EYS: variants seen among roughly 807,000 people sequenced by gnomAD.
The protein encoded by EYS is protein eyes shut homolog.
EYS carries 250 observed loss-of-function variants against 282.1 expected under a neutral mutation model. The ratio of observed to expected loss-of-function variants is 0.89; its 90% CI spans 0.80 to 0.98. EYS has a LOEUF of 0.98. Among genes scored for constraint, EYS ranks in the 50% least tolerant of loss-of-function variants. The pLI, the probability that EYS is intolerant of heterozygous loss-of-function variation, is 0.00. For synonymous variants in EYS, 1,355 were observed against 1,282.9 expected (o/e 1.06, Z -1.20); for missense variants, 4,016 against 3,709.0 (o/e 1.08, Z -2.15).
At chr6:64,211,011 A>G (rs1237432704) in intron 31 of EYS, among the ~76,000 whole-genome samples, 11 of 152,120 alleles carry the variant, frequency 7.2e-5, no homozygotes, top group Non-Finnish European at 5.9e-5. Context: ...CAGGCCTTCA[A>G]CCAATGACTG....
intron 24 of EYS, among the ~76,000 whole-genome samples, chr6:64,601,827 C>G (rs1048611779): frequency 6.6e-6 from 1 of 152,050 alleles, no homozygotes; most frequent in African/African-American, 2.4e-5. Flanking sequence ...TCTACAGGCA[C>G]TTCTGTACTT....
At chr6:64,686,651 G>C (rs1045908057) in intron 22 of EYS, among the ~76,000 whole-genome samples, 3 of 148,558 alleles carry the variant, frequency 2.0e-5, no homozygotes, top group African/African-American at 7.4e-5. Context: ...TGAGGCAGGA[G>C]AATGACATGA....
chr6:65,103,051 T>C (rs1774937756), intron 12 of EYS, among the ~76,000 whole-genome samples: 1 of 151,480 alleles, frequency 6.6e-6, no homozygotes, highest in Middle Eastern at 3.4e-3. Flanking sequence ...TCTTTGAGGT[T>C]GGCAGTATCA....
chr6:64,579,933 T>C (rs1766006157), intron 26 of EYS, among the ~76,000 whole-genome samples: 1 of 152,132 alleles, frequency 6.6e-6, no homozygotes, highest in Admixed American at 6.6e-5. Flanking sequence ...AAAGTCACTC[T>C]TAGCCATCAT....
At chr6:65,601,935 A>G (rs1427767176) in intron 2 of EYS, among the ~76,000 whole-genome samples, 2 of 151,950 alleles carry the variant, frequency 1.3e-5, no homozygotes, top group African/African-American at 4.8e-5. Flanking sequence ...TTTTGCTTTC[A>G]TAGTGGGCTT....
intron 12 of EYS, among the ~76,000 whole-genome samples, chr6:65,286,501 C>A (rs959064887): frequency 2.0e-5 from 3 of 151,706 alleles, no homozygotes; most frequent in Non-Finnish European, 3.0e-5. Flanking sequence ...AATTAAAAAT[C>A]AGGACCTGTA....
intron 2 of EYS, among the ~76,000 whole-genome samples, chr6:65,592,193 T>C (rs1434574081): frequency 6.6e-6 from 1 of 152,012 alleles, no homozygotes; most frequent in Non-Finnish European, 1.5e-5. Context: ...ATGAACATTT[T>C]CATAACTTTA....
At chr6:65,016,090 G>A (rs116545658) in intron 13 of EYS, among the ~76,000 whole-genome samples, 139 of 148,914 alleles carry the variant, frequency 9.3e-4, no homozygotes, top group African/African-American at 2.9e-3. Context: ...AAAAACAGGC[G>A]CCATGGCTCA....
intron 19 of EYS, among the ~76,000 whole-genome samples, chr6:64,839,196 C>T (rs1765486065): frequency 6.6e-6 from 1 of 152,016 alleles, no homozygotes; most frequent in African/African-American, 2.4e-5. Flanking sequence ...TTGAGCAGTT[C>T]ACTATAAATA....
At chr6:64,480,596 T>G (rs1255411890) in intron 26 of EYS, among the ~76,000 whole-genome samples, 1 of 151,812 alleles carries the variant, frequency 6.6e-6, no homozygotes, top group East Asian at 1.9e-4. Context: ...AAGCATTGAT[T>G]AGTAAGAAGC....
intron 14 of EYS, among the ~76,000 whole-genome samples, chr6:64,993,707 C>T (rs2150123952): frequency 6.7e-6 from 1 of 150,020 alleles, no homozygotes; most frequent in African/African-American, 2.4e-5. Context: ...GCACATGTAC[C>T]CTAAAACTTA....
At chr6:65,122,435 T>C (rs774783185) in intron 12 of EYS, among the ~76,000 whole-genome samples, 2 of 152,114 alleles carry the variant, frequency 1.3e-5, no homozygotes, top group Non-Finnish European at 2.9e-5. Flanking sequence ...AGGTGAAAGT[T>C]ATGAAGAGCG....
At chr6:64,663,389 G>T (rs1751947198) in intron 22 of EYS, among the ~76,000 whole-genome samples, 2 of 152,148 alleles carry the variant, frequency 1.3e-5, no homozygotes, top group South Asian at 4.1e-4. Context: ...TTTTTCAAAA[G>T]GTTGATAAGT....
chr6:64,990,919 T>C (rs1170284384), intron 14 of EYS, among the ~76,000 whole-genome samples: 1 of 151,588 alleles, frequency 6.6e-6, no homozygotes, highest in Non-Finnish European at 1.5e-5. Context: ...CTGATAAATT[T>C]AATCAGTTTC....
At chr6:64,722,529 AC>A (rs1562154937) in intron 22 of EYS, among the ~76,000 whole-genome samples, 1 of 151,844 alleles carries the variant, frequency 6.6e-6, no homozygotes, top group African/African-American at 2.4e-5. Flanking sequence ...AAAAAAAAAA[AC>A]CAGAAACTAA....
chr6:63,992,348 G>A (rs115884499), intron 34 of EYS, among the ~76,000 whole-genome samples: 59 of 151,484 alleles, frequency 3.9e-4, no homozygotes, highest in African/African-American at 1.4e-3. Flanking sequence ...AGATACAAGG[G>A]GTACATGTGC....
chr6:64,277,064 G>C (rs9353682), intron 30 of EYS, among the ~76,000 whole-genome samples: 108,822 of 151,922 alleles, frequency 0.72, 39,165 homozygotes, highest in African/African-American at 0.79. Context: ...TATGACCATG[G>C]CTGTCACCTA....
At chr6:63,809,107 A>G (rs1196224013) in intron 36 of EYS, among the ~76,000 whole-genome samples, 2 of 152,146 alleles carry the variant, frequency 1.3e-5, no homozygotes, top group Non-Finnish European at 2.9e-5. Flanking sequence ...GAACCTATAA[A>G]AAGGTAGGGC....
chr6:64,105,046 CG>C (rs1353699704), intron 31 of EYS, among the ~76,000 whole-genome samples: 1 of 149,252 alleles, frequency 6.7e-6, no homozygotes, highest in African/African-American at 2.5e-5. Flanking sequence ...AGAGAGGGGG[CG>C]GGGAGAGACA....
Sources: allele counts gnomAD v4.1 joint callset (sites outside exome capture counted in the v4.1 genomes callset), GRCh38; gene constraint gnomAD v4.1.1; transcripts MANE v1.5; gene names NCBI Gene and HGNC (gene_info 2026-07-23, HGNC 2026-07-21).